The following PLXNA4 variants were observed in gnomAD, a reference collection of about 807,000 sequenced individuals.
The protein encoded by PLXNA4 is plexin A4, also known as plexin-A4.
Under a neutral mutation model 191.8 loss-of-function variants are expected in PLXNA4, and 44 were observed. The observed-to-expected ratio is 0.23, with a 90% CI of 0.18 to 0.29. The LOEUF (loss-of-function observed/expected upper bound fraction) is 0.29, where lower values mean the gene tolerates loss of function less well. PLXNA4 is among the 10% of genes least tolerant of loss of function. The probability of loss-of-function intolerance (pLI) is 1.00; values close to 1 mark genes in which losing one functional copy is unlikely to be tolerated. For synonymous variants in PLXNA4, 1,082 were observed against 1,009.5 expected, an observed-to-expected ratio of 1.07 and a Z score of -1.36; for missense variants, 1,800 against 2,488.8, an observed-to-expected ratio of 0.72 and a Z score of 5.89.
chr7:132,151,298 A>AGG lies in PLXNA4; in HGVS notation c.4661-2653_4661-2652insCC, dbSNP rs1562884825. 1.3e-3 allele frequency among the ~76,000 whole-genome samples: 40 copies of AGG among 31,602 alleles called. 1 individual carries two copies. Among genetic ancestry groups the AGG allele is most frequent in the African/African-American group, 1.7e-3 (21 of 12,088 alleles). The allele number at this position is 31,602 out of a possible 152,430, so 20.7% of individuals were successfully genotyped here. On this transcript the variant is annotated intron_variant, in intron 25 of 31. Coordinates refer to ENST00000321063, the MANE Select transcript of PLXNA4 (RefSeq NM_020911.2). ...AAGAAGGAGGAGGAGGAGGAAGAAG[A>AGG]AGGAGGAGGAAGAAGGAGGAGGAGG...
chr7:132,383,674 T>C, intron 3 of PLXNA4: 1 of 982,568 alleles, frequency 1.0e-6, no homozygotes, highest in Non-Finnish European at 1.2e-6. Flanking sequence ...TAAATGAGTG[T>C]ATATATCAAT....
chr7:132,298,157 G>A lies in PLXNA4; in HGVS notation c.1437C>T (p.Gly479=), dbSNP rs750459724. The change falls in exon 4 of 32, where the codon GGC becomes GGT. Residue 479 remains glycine, a synonymous_variant. Transcript: ENST00000321063. ...AGAAGGCCATATCCCGGAGGACTGG[G>A]CCGGGGTCCACCACCTGCACCGTCT... ...QYETVQVVDP[G]PVLRDMAFSK... 3.7e-6 allele frequency: 6 copies of A among 1,614,188 alleles called. No individual in the cohort carries two copies. Among genetic ancestry groups the A allele is most frequent in the Non-Finnish European group, 5.1e-6 (6 of 1,180,014 alleles).
At chr7:132,527,310 G>A (rs2116407979) in intron 1 of PLXNA4, among the ~76,000 whole-genome samples, 1 of 152,102 alleles carries the variant, frequency 6.6e-6, no homozygotes, top group Admixed American at 6.5e-5. Context: ...CAAGGTAAGA[G>A]TTACCTTACT....
chr7:132,158,279 A>C (rs281880), intron 25 of PLXNA4, among the ~76,000 whole-genome samples: 1 of 152,170 alleles, frequency 6.6e-6, no homozygotes, highest in African/African-American at 2.4e-5. Flanking sequence ...AGTGGGAGGC[A>C]ATGAAAATTC....
chr7:132,296,027 T>C (rs1381049969), intron 4 of PLXNA4, among the ~76,000 whole-genome samples: 1 of 152,206 alleles, frequency 6.6e-6, no homozygotes, highest in East Asian at 1.9e-4. Context: ...GCAACACCTG[T>C]GGACTTAATC....
At chr7:132,406,275 T>A (rs1794215947) in intron 3 of PLXNA4, among the ~76,000 whole-genome samples, 1 of 152,332 alleles carries the variant, frequency 6.6e-6, no homozygotes, top group East Asian at 1.9e-4. Context: ...GGTCTGAGTA[T>A]TTTTTCCGTG....
intron 3 of PLXNA4, among the ~76,000 whole-genome samples, chr7:132,371,566 G>A (rs1314459371): frequency 2.6e-5 from 4 of 152,208 alleles, no homozygotes; most frequent in African/African-American, 4.8e-5. Flanking sequence ...ATAAAACTGG[G>A]GCACCGAGGG....
chr7:132,634,770 C>T (rs1331010859), intron 2 of PLXNA4, among the ~76,000 whole-genome samples: 1 of 152,174 alleles, frequency 6.6e-6, no homozygotes, highest in Non-Finnish European at 1.5e-5. Context: ...TGCCTGCATG[C>T]CTTGTCATGA....
intron 1 of PLXNA4, among the ~76,000 whole-genome samples, chr7:132,517,297 T>G (rs1050301692): frequency 6.6e-6 from 1 of 152,092 alleles, no homozygotes; most frequent in African/African-American, 2.4e-5. Flanking sequence ...AATAGCAAGG[T>G]CATGGTGACA....
At chr7:132,169,230 C>T (rs56386525) in intron 21 of PLXNA4, among the ~76,000 whole-genome samples, 52,570 of 151,872 alleles carry the variant, frequency 0.35, 10,701 homozygotes, top group African/African-American at 0.56. Flanking sequence ...GGGACTCTCT[C>T]TAAGACCCTG....
chr7:132,425,974 G>A (rs1346598868), intron 3 of PLXNA4, among the ~76,000 whole-genome samples: 2 of 152,160 alleles, frequency 1.3e-5, no homozygotes, highest in African/African-American at 2.4e-5. Flanking sequence ...CCCTGAAACT[G>A]AGAAAACTCT....
chr7:132,324,375 T>C (rs1007170037), intron 3 of PLXNA4, among the ~76,000 whole-genome samples: 3 of 152,248 alleles, frequency 2.0e-5, no homozygotes, highest in African/African-American at 7.2e-5. Context: ...CTGTTTCAGT[T>C]CATTTTCCCC....
At chr7:132,563,438 C>T (rs1801464923) in intron 1 of PLXNA4, among the ~76,000 whole-genome samples, 1 of 105,948 alleles carries the variant, frequency 9.4e-6, no homozygotes, top group Non-Finnish European at 2.0e-5. Context: ...CCTTCCTCCT[C>T]CTCTTCCTCC....
chr7:132,436,309 G>T (rs1256257307), intron 3 of PLXNA4, among the ~76,000 whole-genome samples: 1 of 152,236 alleles, frequency 6.6e-6, no homozygotes, highest in Non-Finnish European at 1.5e-5. Flanking sequence ...AATGGGTCTG[G>T]TTTATATTTT....
chr7:132,532,811 T>C (rs1230556138), intron 1 of PLXNA4, among the ~76,000 whole-genome samples: 1 of 152,254 alleles, frequency 6.6e-6, no homozygotes, highest in Non-Finnish European at 1.5e-5. Context: ...CCTGTTGTCA[T>C]GCCTTCACCC....
rs1434982250 is a variant in PLXNA4, at chr7:132,250,731, A to G, written c.1504-9565T>C. 5.3e-5 allele frequency among the ~76,000 whole-genome samples: 8 copies of G among 152,326 alleles called. No individual in the cohort carries two copies. The East Asian group carries it at 1.5e-3, about 29-fold the overall frequency. Reference sequence around the variant, plus strand: ...ATGAGAGGAGTGTTCTGGCATTCACACAGTTAACAAGCTGAGAGGGACCTT... The same window carrying G: ...ATGAGAGGAGTGTTCTGGCATTCACGCAGTTAACAAGCTGAGAGGGACCTT... On this transcript the variant is annotated intron_variant, in intron 4 of 31. Coordinates refer to ENST00000321063, the MANE Select transcript of PLXNA4 (RefSeq NM_020911.2).
At chr7:132,631,327 C>A (rs1401501377) in intron 2 of PLXNA4, among the ~76,000 whole-genome samples, 1 of 152,174 alleles carries the variant, frequency 6.6e-6, no homozygotes, top group Non-Finnish European at 1.5e-5. Flanking sequence ...AGGCACAGCC[C>A]TTATTCTTAA....
intron 4 of PLXNA4, among the ~76,000 whole-genome samples, chr7:132,276,995 A>G (rs1014338062): frequency 6.6e-6 from 1 of 152,092 alleles, no homozygotes; most frequent in African/African-American, 2.4e-5. Flanking sequence ...TGTCACATAA[A>G]ATTATTGTTC....
At chr7:132,458,257 C>A (rs905625431) in intron 3 of PLXNA4, among the ~76,000 whole-genome samples, 10 of 151,832 alleles carry the variant, frequency 6.6e-5, no homozygotes, top group African/African-American at 2.4e-4. Flanking sequence ...ATATGCTTGG[C>A]AGGGTCTACC....
Sources: gnomAD v4.1 joint callset for allele counts (sites outside exome capture counted in the v4.1 genomes callset) on GRCh38, gnomAD v4.1.1 for gene constraint, MANE v1.5 for transcripts, NCBI Gene and HGNC (gene_info 2026-07-23, HGNC 2026-07-21) for gene names.